Variants in PTPN20 observed in about 807,000 individuals in gnomAD.
The protein encoded by PTPN20 is tyrosine-protein phosphatase non-receptor type 20.
PTPN20 carries 9 observed loss-of-function variants against 35.0 expected under a neutral mutation model. The observed-to-expected ratio is 0.26, with a 90% CI of 0.15 to 0.45. The LOEUF (loss-of-function observed/expected upper bound fraction) is 0.45. PTPN20 is among the 20% of genes least tolerant of loss of function. The pLI is 1.00. For synonymous variants in PTPN20, 32 were observed against 100.2 expected (o/e 0.32, Z 4.06); for missense variants, 111 against 312.5 (o/e 0.36, Z 4.86).
intron 9 of PTPN20, among the ~76,000 whole-genome samples, chr10:46,990,402 C>T (rs1396938239): frequency 8.4e-5 from 10 of 118,364 alleles, no homozygotes; most frequent in East Asian, 2.8e-4. Context: ...GTTGATCTTT[C>T]GTATGCATTT....
At chr10:47,000,532 A>T (rs1689185809) in intron 10 of PTPN20, 144 bp from the exon 11 acceptor site, 1 of 857,026 alleles carries the variant, frequency 1.2e-6, no homozygotes, top group African/African-American at 1.7e-5. Flanking sequence ...GTATTCACGT[A>T]AAGTTCTTAA....
At chr10:46,930,050 T>G (rs1380700501) in intron 1 of PTPN20, among the ~76,000 whole-genome samples, 9 of 143,178 alleles carry the variant, frequency 6.3e-5, no homozygotes, top group Non-Finnish European at 3.0e-5. Context: ...AGTTTAATTC[T>G]TGTGTTTCTG....
intron 7 of PTPN20, among the ~76,000 whole-genome samples, chr10:46,977,271 G>C (rs2054025783): frequency 6.6e-6 from 1 of 152,292 alleles, no homozygotes; most frequent in South Asian, 2.1e-4. Flanking sequence ...CTGCCCTGCA[G>C]ATATTGACTT....
chr10:46,953,169 G>T (rs2134875792), intron 5 of PTPN20, among the ~76,000 whole-genome samples: 2 of 140,070 alleles, frequency 1.4e-5, no homozygotes, highest in South Asian at 4.6e-4. Context: ...ATAGAAATAT[G>T]ATTGATTTTT....
chr10:46,945,317 G>C (rs2044397476), intron 4 of PTPN20, among the ~76,000 whole-genome samples: 2 of 152,066 alleles, frequency 1.3e-5, no homozygotes, highest in Non-Finnish European at 2.9e-5. Flanking sequence ...AAGGAGGAAT[G>C]CTGGTGGCAA....
chr10:46,930,272 C>CA (rs1555117659), intron 1 of PTPN20, among the ~76,000 whole-genome samples: 1 of 116,750 alleles, frequency 8.6e-6, no homozygotes, highest in East Asian at 2.5e-4. Flanking sequence ...GGGTAAAGGA[C>CA]CATTCACATA....
At chr10:46,935,306 G>GTTTTT (rs71465454) in intron 2 of PTPN20, among the ~76,000 whole-genome samples, 6 of 107,484 alleles carry the variant, frequency 5.6e-5, no homozygotes, top group African/African-American at 1.7e-4. Context: ...ATTTCATTCT[G>GTTTTT]TTTTTTTTTT....
chr10:46,997,434 T>C (rs2059323255), intron 9 of PTPN20, among the ~76,000 whole-genome samples: 1 of 151,772 alleles, frequency 6.6e-6, no homozygotes, highest in African/African-American at 2.4e-5. Context: ...TAGATTTGTC[T>C]CTTCCTTTTT....
intron 9 of PTPN20, among the ~76,000 whole-genome samples, chr10:46,992,504 T>G (rs1555177601): frequency 6.6e-6 from 1 of 152,212 alleles, no homozygotes; most frequent in South Asian, 2.1e-4. Context: ...TTTCCTCATC[T>G]TGGTCTATTC....
At chr10:46,986,346 C>T (rs1280177832) in intron 8 of PTPN20, among the ~76,000 whole-genome samples, 1 of 145,434 alleles carries the variant, frequency 6.9e-6, no homozygotes, top group Non-Finnish European at 1.5e-5. Flanking sequence ...ATAAAATTAA[C>T]TATCACAAAT....
chr10:46,945,310 G>A (rs1192834301), intron 4 of PTPN20, among the ~76,000 whole-genome samples: 3,548 of 151,918 alleles, frequency 0.023, 103 homozygotes, highest in African/African-American at 0.082. Flanking sequence ...CATCCAGAAG[G>A]AGGAATGCTG....
chr10:46,977,230 T>C (rs2054004934), intron 7 of PTPN20, among the ~76,000 whole-genome samples: 1 of 152,304 alleles, frequency 6.6e-6, no homozygotes, highest in South Asian at 2.1e-4. Flanking sequence ...GACTACAATG[T>C]CAACTTTTCC....
At chr10:46,976,771 G>T (rs1589763226) in intron 7 of PTPN20, among the ~76,000 whole-genome samples, 1 of 128,450 alleles carries the variant, frequency 7.8e-6, no homozygotes, top group Non-Finnish European at 1.7e-5. Flanking sequence ...TTTTAGGGTT[G>T]CCTCTTGGTT....
chr10:46,988,465 C>T (rs1484934754), intron 9 of PTPN20, among the ~76,000 whole-genome samples: 1 of 148,624 alleles, frequency 6.7e-6, no homozygotes, highest in Non-Finnish European at 1.5e-5. Context: ...TACAGTGATG[C>T]AGAACACCAG....
At position 47,001,929 on chromosome 10, in the gene PTPN20, A is replaced by G. The variant is rs1352944430; in HGVS notation, c.*1188A>G. ...AATTATAAGCTATAAAACAATAGATATGAGTGTTTGTACAGTTTAACTCAA... is the reference window on the plus strand; with the variant it reads ...AATTATAAGCTATAAAACAATAGATGTGAGTGTTTGTACAGTTTAACTCAA... On this transcript the variant is annotated 3_prime_UTR_variant, in exon 11 of 11. Coordinates refer to ENST00000374339, the MANE Select transcript of PTPN20 (RefSeq NM_001042357.5). 1 of 152,146 alleles carries G rather than the reference A, an allele frequency of 6.6e-6. No homozygotes were observed. The highest frequency in any genetic ancestry group is 1.9e-4 in the East Asian group (1 of 5,204). 9.4% of individuals were successfully genotyped at this position (152,146 alleles called of 1,614,324 possible). A position where few individuals can be genotyped will look rare whatever the true frequency, so the allele number is the denominator to read the frequency against.
chr10:47,001,180 A>G lies in PTPN20; in HGVS notation c.*439A>G, dbSNP rs1334648794. On this transcript the variant is annotated 3_prime_UTR_variant, in exon 11 of 11. Transcript: ENST00000374339. ...TCATGACCTCTTCCAGGCATTTTTAAGACAGATGTCTATTCATGTTCTTTA... is the reference window on the plus strand; with the variant it reads ...TCATGACCTCTTCCAGGCATTTTTAGGACAGATGTCTATTCATGTTCTTTA... The G allele has an allele frequency of 4.9e-6, 1 of 203,112 alleles. No homozygotes were observed. Among genetic ancestry groups the G allele is most frequent in the Non-Finnish European group, 1.0e-5 (1 of 99,724 alleles). 12.6% of individuals were successfully genotyped at this position (203,112 alleles called of 1,614,324 possible).
chr10:46,947,391 T>A (rs2045239479), intron 5 of PTPN20, among the ~76,000 whole-genome samples: 1 of 151,088 alleles, frequency 6.6e-6, no homozygotes, highest in Non-Finnish European at 1.5e-5. Context: ...CAAATCCAGT[T>A]AAGAAAATAT....
intron 5 of PTPN20, among the ~76,000 whole-genome samples, chr10:46,954,697 GC>G (rs1300343126): frequency 3.4e-5 from 5 of 149,024 alleles, no homozygotes; most frequent in Non-Finnish European, 5.9e-5. Flanking sequence ...CCAAGAACTA[GC>G]TTTTAGTTTC....
intron 5 of PTPN20, among the ~76,000 whole-genome samples, chr10:46,953,334 CTTTTCTTTCTTTCTTT>C (rs2047291031): frequency 1.7e-5 from 2 of 118,868 alleles, no homozygotes; most frequent in African/African-American, 7.2e-5. Flanking sequence ...CCTTTCATTT[CTTTTCTTTCTTTCTTT>C]CTTTCTTTCT....
Sources: allele counts gnomAD v4.1 joint callset (sites outside exome capture counted in the v4.1 genomes callset), GRCh38; gene constraint gnomAD v4.1.1; transcripts MANE v1.5; gene names NCBI Gene and HGNC (gene_info 2026-07-23, HGNC 2026-07-21).